The following MIS18A variants were observed in gnomAD, a reference collection of about 807,000 sequenced individuals.
MIS18A encodes MIS18 kinetochore protein A, also known as protein Mis18-alpha.
MIS18A carries 14 observed loss-of-function variants against 25.0 expected under a neutral mutation model. That is an observed-to-expected ratio of 0.56 (90% CI 0.37 to 0.88). MIS18A has a LOEUF of 0.88. Among genes scored for constraint, MIS18A ranks in the 40% least tolerant of loss-of-function variants. The pLI is 0.00. For missense variants in MIS18A, 292 were observed against 290.8 expected (o/e 1.00, Z -0.03); for synonymous variants, 134 against 118.6 (o/e 1.13, Z -0.84).
At chr21:32,273,219 C>T (rs1431615774) in intron 2 of MIS18A, among the ~76,000 whole-genome samples, 1 of 151,794 alleles carries the variant, frequency 6.6e-6, no homozygotes, top group African/African-American at 2.4e-5. Context: ...ACCCTCCCGG[C>T]ATCTCATATT....
chr21:32,240,772 G>T, the MIS18A span, among the ~76,000 whole-genome samples: 1,678 of 4,424 alleles, frequency 0.38, 95 homozygotes, highest in Admixed American at 0.52. Flanking sequence ...AAAAGATGTG[G>T]TTTTGGTTTT....
At chr21:32,210,210 G>A in the MIS18A span, among the ~76,000 whole-genome samples, 3 of 152,094 alleles carry the variant, frequency 2.0e-5, no homozygotes, top group South Asian at 6.2e-4. Flanking sequence ...GTTTCTTCAT[G>A]CTTACAATGG....
At chr21:32,172,817 C>T in the MIS18A span, among the ~76,000 whole-genome samples, 1 of 152,050 alleles carries the variant, frequency 6.6e-6, no homozygotes, top group Non-Finnish European at 1.5e-5. Context: ...ATATTTATGG[C>T]AAATTTATTT....
At chr21:32,219,782 T>C in the MIS18A span, among the ~76,000 whole-genome samples, 1 of 152,174 alleles carries the variant, frequency 6.6e-6, no homozygotes, top group Non-Finnish European at 1.5e-5. Context: ...TGCTCAAGCT[T>C]GGTGAGGGAA....
the MIS18A span, among the ~76,000 whole-genome samples, chr21:32,173,883 C>T: frequency 6.6e-6 from 1 of 150,446 alleles, no homozygotes; most frequent in East Asian, 2.0e-4. Context: ...ACTAAAACCA[C>T]TGAATTTTAT....
the MIS18A span, among the ~76,000 whole-genome samples, chr21:32,214,975 T>A: frequency 6.6e-6 from 1 of 151,804 alleles, no homozygotes; most frequent in Admixed American, 6.6e-5. Flanking sequence ...CCAGGCTGAG[T>A]CTCCCGGAGC....
chr21:32,209,181 T>C, the MIS18A span, among the ~76,000 whole-genome samples: 1 of 151,664 alleles, frequency 6.6e-6, no homozygotes, highest in Admixed American at 6.6e-5. Flanking sequence ...AATCATGGCA[T>C]GTTAAAACTG....
chr21:32,277,558 T>G (rs1474937355), intron 1 of MIS18A, among the ~76,000 whole-genome samples: 1 of 152,232 alleles, frequency 6.6e-6, no homozygotes, highest in Non-Finnish European at 1.5e-5. Context: ...GTTCAAGTGA[T>G]TCTCCTGCCT....
chr21:32,175,405 A>T, the MIS18A span, among the ~76,000 whole-genome samples: 2 of 152,052 alleles, frequency 1.3e-5, no homozygotes, highest in Non-Finnish European at 2.9e-5. Context: ...ATAAAAATAT[A>T]TTTTATTTCT....
At chr21:32,175,646 G>GAAAAAAAA in the MIS18A span, among the ~76,000 whole-genome samples, 412 of 135,564 alleles carry the variant, frequency 3.0e-3, 10 homozygotes, top group African/African-American at 9.7e-3. Flanking sequence ...GGTCTCTACT[G>GAAAAAAAA]AAAAAAAAAA....
chr21:32,256,236 A>C, the MIS18A span, among the ~76,000 whole-genome samples: 1 of 152,180 alleles, frequency 6.6e-6, no homozygotes, highest in Non-Finnish European at 1.5e-5. Context: ...GGCCACCCCA[A>C]ATTGTGCTCC....
At chr21:32,178,677 A>T in the MIS18A span, among the ~76,000 whole-genome samples, 1 of 152,170 alleles carries the variant, frequency 6.6e-6, no homozygotes, top group African/African-American at 2.4e-5. Context: ...TCTTTGACTA[A>T]GTACAAGGTA....
chr21:32,263,070 A>G, the MIS18A span, among the ~76,000 whole-genome samples: 7 of 152,186 alleles, frequency 4.6e-5, no homozygotes, highest in Admixed American at 3.9e-4. Flanking sequence ...AATACCCAAA[A>G]TATGTCAGAT....
chr21:32,255,639 C>T, the MIS18A span, among the ~76,000 whole-genome samples: 1 of 151,216 alleles, frequency 6.6e-6, no homozygotes, highest in Admixed American at 6.6e-5. Context: ...CCTGTAATCC[C>T]AGCACTTTGG....
chr21:32,217,567 G>T, the MIS18A span, among the ~76,000 whole-genome samples: 1 of 152,136 alleles, frequency 6.6e-6, no homozygotes, highest in East Asian at 1.9e-4. Context: ...AGTAATGGCT[G>T]AAAACTTTCC....
chr21:32,252,308 AGAGT>A, the MIS18A span, among the ~76,000 whole-genome samples: 2 of 147,810 alleles, frequency 1.4e-5, no homozygotes, highest in Admixed American at 1.4e-4. Context: ...AGGAAAAGAA[AGAGT>A]AAGGAAAGAA....
chr21:32,253,114 C>T, the MIS18A span, among the ~76,000 whole-genome samples: 4 of 152,148 alleles, frequency 2.6e-5, no homozygotes, highest in South Asian at 4.1e-4. Context: ...GGGTGGGATG[C>T]GCTTTAGGGG....
At chr21:32,277,824 T>C (rs1031407277) in intron 1 of MIS18A, 2 of 152,192 alleles carry the variant, frequency 1.3e-5, no homozygotes, top group Non-Finnish European at 2.9e-5. Context: ...ATCTCAACTT[T>C]CAGTTAACTA....
chr21:32,240,284 G>A, the MIS18A span, among the ~76,000 whole-genome samples: 2 of 152,256 alleles, frequency 1.3e-5, no homozygotes, highest in Non-Finnish European at 2.9e-5. Context: ...ATTAGGTCAC[G>A]AAGGTGAAGC....
Sources: gnomAD v4.1 joint callset for allele counts (sites outside exome capture counted in the v4.1 genomes callset) on GRCh38, gnomAD v4.1.1 for gene constraint, MANE v1.5 for transcripts, NCBI Gene and HGNC (gene_info 2026-07-23, HGNC 2026-07-21) for gene names.